MYO16: variants seen among roughly 807,000 people sequenced by gnomAD.
MYO16 encodes the protein unconventional myosin-XVI.
MYO16 carries 94 observed loss-of-function variants against 205.3 expected under a neutral mutation model. The observed-to-expected ratio is 0.46, with a 90% CI of 0.39 to 0.54. The LOEUF is 0.54. Among genes scored for constraint, MYO16 ranks in the 20% least tolerant of loss-of-function variants. The pLI is 0.00. For missense variants in MYO16, 2,315 were observed against 2,387.5 expected (o/e 0.97, Z 0.63); for synonymous variants, 988 against 954.0 (o/e 1.04, Z -0.66).
chr13:109,190,179 G>T (rs1451992867), intron 34 of MYO16, among the ~76,000 whole-genome samples: 1 of 152,078 alleles, frequency 6.6e-6, no homozygotes, highest in East Asian at 1.9e-4. Flanking sequence ...CTGCCATAAA[G>T]ATATTATCCT....
chr13:109,189,923 T>TA (rs1879839801), intron 34 of MYO16, among the ~76,000 whole-genome samples: 1 of 122,708 alleles, frequency 8.1e-6, no homozygotes, highest in Admixed American at 7.7e-5. Context: ...GTTTTGTTGT[T>TA]GTTTTTTTTT....
chr13:108,852,002 C>G (rs1475954809), intron 10 of MYO16, among the ~76,000 whole-genome samples: 2 of 152,172 alleles, frequency 1.3e-5, no homozygotes, highest in African/African-American at 2.4e-5. Flanking sequence ...TCCTCCCGAC[C>G]TTACAGCCCT....
chr13:108,827,995 T>A (rs1193714455), intron 9 of MYO16, among the ~76,000 whole-genome samples: 1 of 152,162 alleles, frequency 6.6e-6, no homozygotes, highest in Non-Finnish European at 1.5e-5. Context: ...AAGGGTTTTT[T>A]TTACTTATTA....
At chr13:109,151,514 T>A (rs1877662911) in intron 32 of MYO16, among the ~76,000 whole-genome samples, 1 of 152,168 alleles carries the variant, frequency 6.6e-6, no homozygotes, top group African/African-American at 2.4e-5. Context: ...GAACACTGAC[T>A]GCGAGAGACA....
chr13:108,891,928 G>A (rs879733216), intron 14 of MYO16, among the ~76,000 whole-genome samples: 15 of 152,192 alleles, frequency 9.9e-5, no homozygotes, highest in Non-Finnish European at 1.3e-4. Context: ...TTCTACCATG[G>A]TGGCGGTTAG....
At chr13:108,964,233 C>G (rs1883702239) in intron 19 of MYO16, among the ~76,000 whole-genome samples, 1 of 152,204 alleles carries the variant, frequency 6.6e-6, no homozygotes, top group South Asian at 2.1e-4. Flanking sequence ...ATTCTAGTCC[C>G]TTCCCCAAAC....
intron 16 of MYO16, among the ~76,000 whole-genome samples, chr13:108,912,629 T>G (rs1881316919): frequency 1.3e-5 from 2 of 152,116 alleles, no homozygotes; most frequent in Admixed American, 6.5e-5. Context: ...ATTAACTTTG[T>G]GATTTTCTAC....
At chr13:108,891,811 T>G (rs540888034) in intron 14 of MYO16, among the ~76,000 whole-genome samples, 1 of 152,304 alleles carries the variant, frequency 6.6e-6, no homozygotes, top group African/African-American at 2.4e-5. Flanking sequence ...CATCTAAAGG[T>G]TCAAAAGTTA....
intron 2 of MYO16, among the ~76,000 whole-genome samples, chr13:108,670,629 A>C (rs1311225811): frequency 1.3e-5 from 2 of 152,210 alleles, no homozygotes; most frequent in Non-Finnish European, 2.9e-5. Flanking sequence ...ATAGAAAAAA[A>C]GATATAAAAA....
intron 1 of MYO16, among the ~76,000 whole-genome samples, chr13:108,616,570 G>A (rs1314233334): frequency 1.3e-5 from 2 of 152,132 alleles, no homozygotes; most frequent in African/African-American, 2.4e-5. Flanking sequence ...CACGCTGCCG[G>A]TGAATTAAGC....
intron 27 of MYO16, among the ~76,000 whole-genome samples, chr13:109,063,051 T>C (rs1177106987): frequency 6.6e-6 from 1 of 152,210 alleles, no homozygotes; most frequent in Non-Finnish European, 1.5e-5. Context: ...CGTTGGGAAG[T>C]AAGCAACCAC....
intron 34 of MYO16, among the ~76,000 whole-genome samples, chr13:109,184,815 C>T (rs960555717): frequency 2.6e-5 from 4 of 151,968 alleles, no homozygotes; most frequent in African/African-American, 9.7e-5. Context: ...GTTGCCCGGG[C>T]TGGAGTGCAG....
chr13:109,175,547 G>T (rs1367141866), intron 33 of MYO16, among the ~76,000 whole-genome samples: 1 of 152,190 alleles, frequency 6.6e-6, no homozygotes, highest in African/African-American at 2.4e-5. Context: ...ATTTGGGCAA[G>T]AATGGCTTTT....
chr13:109,049,925 C>CGTGTGTGT (rs1566481323), intron 24 of MYO16, among the ~76,000 whole-genome samples: 4 of 113,444 alleles, frequency 3.5e-5, no homozygotes, highest in South Asian at 2.9e-4. Flanking sequence ...CTTCCTTTGT[C>CGTGTGTGT]CTGTGTGTGT....
intron 10 of MYO16, among the ~76,000 whole-genome samples, chr13:108,848,043 G>T (rs1289030016): frequency 1.3e-5 from 2 of 152,190 alleles, no homozygotes; most frequent in Admixed American, 1.3e-4. Context: ...CAGGTCTGCA[G>T]CTCTGGAGCT....
chr13:109,018,136 A>G (rs1885890803), intron 22 of MYO16, among the ~76,000 whole-genome samples: 1 of 152,244 alleles, frequency 6.6e-6, no homozygotes, highest in Non-Finnish European at 1.5e-5. Flanking sequence ...ATGGTGACCT[A>G]CAGATGGAGT....
chr13:108,617,525 G>A (rs1879391466), intron 1 of MYO16, among the ~76,000 whole-genome samples: 1 of 152,152 alleles, frequency 6.6e-6, no homozygotes, highest in South Asian at 2.1e-4. Flanking sequence ...TGTTGTAAAT[G>A]CCTAAATAAT....
intron 1 of MYO16, among the ~76,000 whole-genome samples, chr13:108,653,829 T>C (rs117784826): frequency 0.17 from 25,842 of 151,486 alleles, 2,767 homozygotes; most frequent in Non-Finnish European, 0.24. Flanking sequence ...TTATATAGAC[T>C]GTGTCCCCTA....
chr13:108,535,452 A>G, the MYO16 span, among the ~76,000 whole-genome samples: 1 of 152,168 alleles, frequency 6.6e-6, no homozygotes, highest in Non-Finnish European at 1.5e-5. Flanking sequence ...TCAATATGGT[A>G]GCTGCAGCTC....
Sources: gnomAD v4.1 joint callset for allele counts (sites outside exome capture counted in the v4.1 genomes callset) on GRCh38, gnomAD v4.1.1 for gene constraint, MANE v1.5 for transcripts, NCBI Gene and HGNC (gene_info 2026-07-23, HGNC 2026-07-21) for gene names.